The following AP2A2 variants were observed in gnomAD, a reference collection of about 807,000 sequenced individuals.
The protein encoded by AP2A2 is AP-2 complex subunit alpha-2.
In AP2A2, 32 loss-of-function variants were observed where a neutral mutation model predicts 104.2. The observed-to-expected ratio is 0.31, with a 90% confidence interval of 0.23 to 0.41. The LOEUF is 0.41. AP2A2 is among the 10% of genes least tolerant of loss of function. The pLI is 1.00. For missense variants in AP2A2, 912 were observed against 1,261.0 expected, an observed-to-expected ratio of 0.72 and a Z score of 4.19; for synonymous variants, 539 against 533.3, an observed-to-expected ratio of 1.01 and a Z score of -0.15.
chr11:929,804 CAA>C (rs906469415), intron 1 of AP2A2, among the ~76,000 whole-genome samples: 1 of 150,228 alleles, frequency 6.7e-6, no homozygotes, highest in Non-Finnish European at 1.5e-5. Context: ...GACCCTGCCT[CAA>C]AAAAAAAGTT....
intron 4 of AP2A2, among the ~76,000 whole-genome samples, chr11:974,009 G>A (rs1476366265): frequency 6.6e-6 from 1 of 152,244 alleles, no homozygotes; most frequent in African/African-American, 2.4e-5. Flanking sequence ...TACCTGAACC[G>A]AGGACCTGCT....
chr11:931,082 A>G (rs1322659275), intron 1 of AP2A2, among the ~76,000 whole-genome samples: 1 of 152,060 alleles, frequency 6.6e-6, no homozygotes, highest in Non-Finnish European at 1.5e-5. Context: ...CATCTCTGTA[A>G]TTTTGTGGGC....
intron 3 of AP2A2, among the ~76,000 whole-genome samples, chr11:970,891 G>T (rs1181818987): frequency 6.6e-6 from 1 of 152,240 alleles, no homozygotes; most frequent in African/African-American, 2.4e-5. Context: ...TGCCGGGCTG[G>T]TGCACAGTGT....
rs1856319503 is a variant in AP2A2, at chr11:1,009,307, CG to C, written c.2538-20del. 1.2e-6 allele frequency: 2 copies of C among 1,612,702 alleles called. No individual in the cohort carries two copies. Among genetic ancestry groups the C allele is most frequent in the Non-Finnish European group, 1.7e-6 (2 of 1,179,084 alleles). ...GGTCTCTGGCCTGGCTGAGAACACT[CG>C]CCTTTGCTGTTTCTCACAGTCCACA... On this transcript the variant is annotated intron_variant, in intron 19 of 21. Coordinates refer to ENST00000448903, the MANE Select transcript of AP2A2 (RefSeq NM_012305.4).
chr11:1,001,579 G>A (rs1161837438), intron 15 of AP2A2: 1 of 152,522 alleles, frequency 6.6e-6, no homozygotes, highest in East Asian at 1.9e-4. Context: ...AAAGGACTTA[G>A]GAGAGGCAGG....
At chr11:949,208 G>A (rs1329919181) in intron 1 of AP2A2, among the ~76,000 whole-genome samples, 4 of 149,446 alleles carry the variant, frequency 2.7e-5, no homozygotes, top group East Asian at 2.0e-4. Context: ...ACCGAGAGGC[G>A]GAGGTTGCAG....
intron 2 of AP2A2, among the ~76,000 whole-genome samples, chr11:961,658 G>A (rs1190773221): frequency 7.9e-6 from 1 of 126,424 alleles, no homozygotes; most frequent in African/African-American, 2.9e-5. Flanking sequence ...GTAAAGGGCG[G>A]AAGCAGATGG....
At position 1,009,165 on chromosome 11, in the gene AP2A2, C is replaced by G. The variant is rs768193493; in HGVS notation, c.2486C>G (p.Pro829Arg). The change falls in exon 19 of 22, where the codon CCG becomes CGG. Residue 829 changes from proline (P) to arginine (R), a missense_variant. Transcript: ENST00000448903. ...ATCACTCTCAACAAATTCTTCCAGCCGACAGAAATGGCTTCTCAGGATTTC... is the reference window on the plus strand; with the variant it reads ...ATCACTCTCAACAAATTCTTCCAGCGGACAGAAATGGCTTCTCAGGATTTC... ...LPITLNKFFQ[P>R]TEMASQDFFQ... 1 of 1,613,754 alleles carries G rather than the reference C, an allele frequency of 6.2e-7. No homozygotes were observed. The highest frequency in any genetic ancestry group is 1.1e-5 in the South Asian group (1 of 91,078).
chr11:937,808 A>C (rs1279420087), intron 1 of AP2A2, among the ~76,000 whole-genome samples: 1 of 152,246 alleles, frequency 6.6e-6, no homozygotes, highest in Non-Finnish European at 1.5e-5. Flanking sequence ...AAAATCGTTC[A>C]GCTTCACCAT....
chr11:988,412 G>A (rs1855534755), intron 9 of AP2A2, 140 bp from the exon 10 acceptor site: 1 of 1,120,820 alleles, frequency 8.9e-7, no homozygotes, highest in Non-Finnish European at 1.3e-6. Context: ...CCCGAGTGCA[G>A]GTCGGCTCCC....
At chr11:955,260 T>C (rs1434207354) in intron 1 of AP2A2, among the ~76,000 whole-genome samples, 1 of 152,154 alleles carries the variant, frequency 6.6e-6, no homozygotes, top group Non-Finnish European at 1.5e-5. Flanking sequence ...GCCTCACCCA[T>C]GCGCAGTCCC....
chr11:933,322 A>G (rs1007167936), intron 1 of AP2A2, among the ~76,000 whole-genome samples: 1 of 152,224 alleles, frequency 6.6e-6, no homozygotes, highest in African/African-American at 2.4e-5. Context: ...AGGCCACATG[A>G]TGTCCCAGAC....
chr11:949,011 C>T (rs554567860), intron 1 of AP2A2, among the ~76,000 whole-genome samples: 20 of 152,136 alleles, frequency 1.3e-4, no homozygotes, highest in South Asian at 6.2e-4. Flanking sequence ...CAGTCCTGGC[C>T]GGGTGCAGTG....
rs554564126 is a variant in AP2A2 at position 996,884 on chromosome 11, TG to T, written c.1956+2641del. Among the ~76,000 whole-genome samples the T allele has an allele frequency of 7.2e-4, 110 of 152,080 alleles. 1 individual carries two copies. Among genetic ancestry groups the T allele is most frequent in the Non-Finnish European group, 1.3e-3 (85 of 67,974 alleles). Reference sequence around the variant, plus strand: ...GCACCTCCGTCCTGACTGAGAGCTGTGGTGTGTGGGCGCCTCCGTCCTGACC... The same window carrying T: ...GCACCTCCGTCCTGACTGAGAGCTGTGTGTGTGGGCGCCTCCGTCCTGACC... On this transcript the variant is annotated intron_variant, in intron 14 of 21. Coordinates refer to ENST00000448903, the MANE Select transcript of AP2A2 (RefSeq NM_012305.4).
At chr11:971,439 G>T (rs1000517013) in intron 3 of AP2A2, among the ~76,000 whole-genome samples, 1 of 152,148 alleles carries the variant, frequency 6.6e-6, no homozygotes, top group Admixed American at 6.6e-5. Context: ...GGGAGCCGTG[G>T]GAGGCTGGGT....
At chr11:986,067 C>T (rs1855445281) in intron 8 of AP2A2, among the ~76,000 whole-genome samples, 1 of 152,248 alleles carries the variant, frequency 6.6e-6, no homozygotes, top group Admixed American at 6.5e-5. Context: ...CACGCCTTCT[C>T]TGCTCAGCAG....
intron 5 of AP2A2, 85 bp downstream of exon 5, chr11:977,309 C>A (rs572231533): frequency 3.4e-6 from 5 of 1,491,140 alleles, no homozygotes; most frequent in Admixed American, 4.4e-5. Flanking sequence ...TGCGCCTTCT[C>A]GGGATGCCCA....
chr11:983,239 C>T lies in AP2A2; in HGVS notation c.706-1406C>T, dbSNP rs534865638. On this transcript the variant is annotated intron_variant, in intron 6 of 21. Coordinates refer to ENST00000448903, the MANE Select transcript of AP2A2 (RefSeq NM_012305.4). ...TTCACCACAATGGCCAGGCTGGTTG[C>T]GAACTCCCGACCTCAAGTGATTGAT... Among the ~76,000 whole-genome samples, 45 of 151,664 alleles carry T rather than the reference C, an allele frequency of 3.0e-4. No homozygotes were observed. The East Asian group carries it at 5.4e-3, about 18-fold the overall frequency.
chr11:961,828 G>A (rs1231079958), intron 2 of AP2A2, among the ~76,000 whole-genome samples: 1 of 144,628 alleles, frequency 6.9e-6, no homozygotes, highest in Admixed American at 7.0e-5. Flanking sequence ...AAAGTAAAGG[G>A]CGGAAGCAGA....
Sources: allele counts gnomAD v4.1 joint callset (sites outside exome capture counted in the v4.1 genomes callset), GRCh38; gene constraint gnomAD v4.1.1; transcripts MANE v1.5; gene names NCBI Gene and HGNC (gene_info 2026-07-23, HGNC 2026-07-21).